COX7B2: variants seen among roughly 807,000 people sequenced by gnomAD.
The protein encoded by COX7B2 is cytochrome c oxidase subunit 7B2, mitochondrial.
For synonymous variants in COX7B2, 37 were observed against 32.1 expected (o/e 1.15, Z -0.51); for missense variants, 109 against 95.9 (o/e 1.14, Z -0.57).
rs190140031 is a variant in COX7B2, at chr4:46,764,388, T to A, written c.-49-29147A>T. Among the ~76,000 whole-genome samples the A allele has an allele frequency of 6.9e-3, 1,040 of 151,500 alleles. 9 individuals are homozygous for A. Among genetic ancestry groups the A allele is most frequent in the Middle Eastern group, 0.017 (5 of 292 alleles). On this transcript the variant is annotated intron_variant, in intron 2 of 2. Transcript: ENST00000355591. ...GGCGAAACCTCGTCTCCACTAAAAATACAAAAATTAGCTGGGTGTGGTGGT... is the reference window on the plus strand; with the variant it reads ...GGCGAAACCTCGTCTCCACTAAAAAAACAAAAATTAGCTGGGTGTGGTGGT...
chr4:46,851,613 A>T (rs1054002406), intron 1 of COX7B2, among the ~76,000 whole-genome samples: 11 of 152,072 alleles, frequency 7.2e-5, no homozygotes, highest in African/African-American at 2.7e-4. Context: ...GTTCCAAAAG[A>T]TCCTATTCAG....
chr4:46,836,689 A>C (rs1415037659), intron 2 of COX7B2, among the ~76,000 whole-genome samples: 2 of 152,172 alleles, frequency 1.3e-5, no homozygotes, highest in Non-Finnish European at 1.5e-5. Context: ...TATTAAGTAT[A>C]ATGAACTGTA....
intron 2 of COX7B2, among the ~76,000 whole-genome samples, chr4:46,819,123 G>C (rs1161236623): frequency 6.6e-6 from 1 of 152,110 alleles, no homozygotes; most frequent in Non-Finnish European, 1.5e-5. Flanking sequence ...CCTTCTCTTG[G>C]CTGATAGGTG....
intron 2 of COX7B2, among the ~76,000 whole-genome samples, chr4:46,754,013 A>C (rs1363728005): frequency 1.3e-5 from 2 of 152,160 alleles, no homozygotes; most frequent in Non-Finnish European, 2.9e-5. Context: ...CCACAATCAG[A>C]CACCATTTCA....
At chr4:46,843,020 A>G (rs1038267968) in intron 2 of COX7B2, among the ~76,000 whole-genome samples, 4 of 152,220 alleles carry the variant, frequency 2.6e-5, no homozygotes, top group Admixed American at 1.3e-4. Context: ...TCCCACCAAC[A>G]GTGTAAAAGT....
chr4:46,775,175 A>C (rs1167614722), intron 2 of COX7B2, among the ~76,000 whole-genome samples: 1 of 152,246 alleles, frequency 6.6e-6, no homozygotes, highest in Non-Finnish European at 1.5e-5. Context: ...ATAATGACTA[A>C]GAAAACAGAA....
intron 1 of COX7B2, among the ~76,000 whole-genome samples, chr4:46,864,738 G>T (rs553210701): frequency 7.7e-4 from 117 of 151,158 alleles, no homozygotes; most frequent in Non-Finnish European, 1.2e-3. Context: ...TCCACCTCCC[G>T]GGTTCACGCC....
chr4:46,803,056 T>C (rs1718744518), intron 2 of COX7B2, among the ~76,000 whole-genome samples: 1 of 152,280 alleles, frequency 6.6e-6, no homozygotes, highest in South Asian at 2.1e-4. Flanking sequence ...AACCAGTATC[T>C]GTGATAAATA....
intron 2 of COX7B2, among the ~76,000 whole-genome samples, chr4:46,792,894 A>G (rs1718124563): frequency 6.6e-6 from 1 of 152,186 alleles, no homozygotes; most frequent in African/African-American, 2.4e-5. Context: ...TAGAGCACTG[A>G]CAGTCCATGG....
intron 2 of COX7B2, among the ~76,000 whole-genome samples, chr4:46,802,213 T>G (rs779817874): frequency 7.2e-5 from 11 of 152,140 alleles, no homozygotes; most frequent in Non-Finnish European, 1.3e-4. Flanking sequence ...CTTTGCTTCC[T>G]ACCTAAGACC....
chr4:46,747,893 A>G (rs957169711), intron 2 of COX7B2, among the ~76,000 whole-genome samples: 2 of 151,492 alleles, frequency 1.3e-5, no homozygotes, highest in African/African-American at 4.8e-5. Context: ...ATGAAATAAT[A>G]GCCGATATGC....
chr4:46,803,317 G>C (rs1188686899), intron 2 of COX7B2, among the ~76,000 whole-genome samples: 1 of 152,088 alleles, frequency 6.6e-6, no homozygotes, highest in African/African-American at 2.4e-5. Flanking sequence ...AAAAGCATTA[G>C]AAAACAAAGT....
intron 1 of COX7B2, among the ~76,000 whole-genome samples, chr4:46,885,824 G>A (rs1424131629): frequency 3.3e-5 from 5 of 152,136 alleles, no homozygotes; most frequent in African/African-American, 7.2e-5. Context: ...GCAAAGGTTA[G>A]TTTTGAGTAA....
chr4:46,874,724 GA>G (rs202227430), intron 1 of COX7B2, among the ~76,000 whole-genome samples: 22 of 150,468 alleles, frequency 1.5e-4, no homozygotes, highest in South Asian at 4.2e-4. Flanking sequence ...AAAATGTCAG[GA>G]AAAAAAAATG....
intron 2 of COX7B2, among the ~76,000 whole-genome samples, chr4:46,842,542 C>A (rs1295982742): frequency 6.6e-6 from 1 of 151,802 alleles, no homozygotes; most frequent in African/African-American, 2.4e-5. Context: ...CTAATGCTAT[C>A]CCTCCCCACT....
At chr4:46,892,283 TA>T (rs1255388990) in intron 1 of COX7B2, among the ~76,000 whole-genome samples, 1 of 152,192 alleles carries the variant, frequency 6.6e-6, no homozygotes, top group Non-Finnish European at 1.5e-5. Flanking sequence ...TATTGATTTT[TA>T]AAAGGTTAGT....
At chr4:46,808,839 A>G (rs1431890596) in intron 2 of COX7B2, among the ~76,000 whole-genome samples, 1 of 151,918 alleles carries the variant, frequency 6.6e-6, no homozygotes, top group East Asian at 1.9e-4. Context: ...TATCACATTG[A>G]TTGATTTGCA....
rs574756146 is a variant in COX7B2 at position 46,794,177 on chromosome 4, A to T, written c.-50+50783T>A. Among the ~76,000 whole-genome samples, 8 of 152,316 alleles carry T rather than the reference A, an allele frequency of 5.3e-5. No individual in the cohort carries two copies. In the South Asian group the frequency reaches 1.7e-3, roughly 32 times the overall value. The stretch of plus-strand genomic sequence containing the variant: ...GTTTTCTAATTTATACACAGAGAAA[A>T]TGGGAAAACGTGTTTAAATGGATGC... On this transcript the variant is annotated intron_variant, in intron 2 of 2. Transcript: ENST00000355591.
At chr4:46,839,016 T>C (rs1372025479) in intron 2 of COX7B2, among the ~76,000 whole-genome samples, 1 of 152,036 alleles carries the variant, frequency 6.6e-6, no homozygotes, top group African/African-American at 2.4e-5. Context: ...CAACTCATTA[T>C]AATTTTTATG....
Sources: allele counts gnomAD v4.1 joint callset (sites outside exome capture counted in the v4.1 genomes callset), GRCh38; gene constraint gnomAD v4.1.1; transcripts MANE v1.5; gene names NCBI Gene and HGNC (gene_info 2026-07-23, HGNC 2026-07-21).